Variants in CIMAP1D observed in about 807,000 individuals in gnomAD.
CIMAP1D encodes CIMAP1 family member D.
the CIMAP1D span, among the ~76,000 whole-genome samples, chr19:478,255 G>A: frequency 1.5e-5 from 2 of 136,562 alleles, no homozygotes; most frequent in African/African-American, 6.8e-5. Flanking sequence ...GGGGACAAGG[G>A]CCTGGAAGGT....
chr19:486,692 A>T, the CIMAP1D span, among the ~76,000 whole-genome samples: 1 of 151,762 alleles, frequency 6.6e-6, no homozygotes, highest in Non-Finnish European at 1.5e-5. Flanking sequence ...AGGCGAGCAG[A>T]TCACGAGATC....
At chr19:472,480 A>G in the CIMAP1D span, 3 of 1,545,516 alleles carry the variant, frequency 1.9e-6, no homozygotes, top group African/African-American at 4.1e-5. Flanking sequence ...GGACGGCAGG[A>G]CATACAAGCC....
At chr19:487,434 G>A in the CIMAP1D span, among the ~76,000 whole-genome samples, 38 of 152,258 alleles carry the variant, frequency 2.5e-4, 1 homozygote, top group South Asian at 6.8e-3. Context: ...AAGCTCCTTC[G>A]GGCCGAGGTC....
the CIMAP1D span, among the ~76,000 whole-genome samples, chr19:482,870 C>T: frequency 6.6e-6 from 1 of 152,164 alleles, no homozygotes; most frequent in Non-Finnish European, 1.5e-5. Context: ...CGACGGGCAC[C>T]GAGGCTATTC....
At chr19:468,163 T>C in the CIMAP1D span, among the ~76,000 whole-genome samples, 1 of 152,078 alleles carries the variant, frequency 6.6e-6, no homozygotes, top group Non-Finnish European at 1.5e-5. Flanking sequence ...CTCAGGACTT[T>C]GAGACCAGCA....
At chr19:483,501 T>A in the CIMAP1D span, among the ~76,000 whole-genome samples, 1 of 152,228 alleles carries the variant, frequency 6.6e-6, no homozygotes, top group East Asian at 1.9e-4. Context: ...AGCTATGAGA[T>A]CATGGTGGGC....
the CIMAP1D span, among the ~76,000 whole-genome samples, chr19:488,072 C>A: frequency 6.6e-6 from 1 of 152,112 alleles, no homozygotes; most frequent in Non-Finnish European, 1.5e-5. Context: ...GAGTTGTGAG[C>A]CCTGAAGAGG....
the CIMAP1D span, among the ~76,000 whole-genome samples, chr19:478,905 A>C: frequency 6.6e-6 from 1 of 152,260 alleles, no homozygotes; most frequent in Non-Finnish European, 1.5e-5. Flanking sequence ...GGCCCTGCTC[A>C]GGTGCTGGGA....
chr19:488,623 G>C, the CIMAP1D span, among the ~76,000 whole-genome samples: 2 of 148,736 alleles, frequency 1.3e-5, no homozygotes, highest in Non-Finnish European at 2.9e-5. Flanking sequence ...ACGGCCTCCC[G>C]GTGACCCTGA....
chr19:463,637 G>A, the CIMAP1D span: 1 of 710,260 alleles, frequency 1.4e-6, no homozygotes, highest in East Asian at 3.1e-5. Context: ...ACTGGAAGGA[G>A]ACTCACCCTG....
chr19:478,479 G>A, the CIMAP1D span, among the ~76,000 whole-genome samples: 2 of 152,250 alleles, frequency 1.3e-5, no homozygotes, highest in African/African-American at 2.4e-5. Flanking sequence ...CTGGGAGGAC[G>A]CTGAGGGCCG....
At chr19:472,383 G>A in the CIMAP1D span, 31 of 1,449,916 alleles carry the variant, frequency 2.1e-5, no homozygotes, top group Non-Finnish European at 2.5e-5. Flanking sequence ...CCGCCCACTC[G>A]CCCGCCTTAC....
the CIMAP1D span, among the ~76,000 whole-genome samples, chr19:478,283 C>T: frequency 9.2e-5 from 14 of 152,266 alleles, no homozygotes; most frequent in African/African-American, 3.4e-4. Flanking sequence ...CAACCCCATC[C>T]CTCCTCACAT....
chr19:488,415 G>C, the CIMAP1D span, among the ~76,000 whole-genome samples: 5 of 152,154 alleles, frequency 3.3e-5, no homozygotes, highest in Non-Finnish European at 7.4e-5. Context: ...CCAGCTACTC[G>C]GGAGGCTGAG....
chr19:487,454 T>G, the CIMAP1D span, among the ~76,000 whole-genome samples: 1 of 152,188 alleles, frequency 6.6e-6, no homozygotes, highest in Non-Finnish European at 1.5e-5. Context: ...CAGCCCACCT[T>G]GCACTCTGCT....
the CIMAP1D span, among the ~76,000 whole-genome samples, chr19:481,059 T>TG: frequency 1.5e-5 from 2 of 130,006 alleles, no homozygotes; most frequent in Admixed American, 8.3e-5. Flanking sequence ...GGAAGGATGA[T>TG]GGAAAGGATG....
chr19:471,644 ATGAATCTCAAAAAGGCAT>A, the CIMAP1D span, among the ~76,000 whole-genome samples: 4 of 152,122 alleles, frequency 2.6e-5, no homozygotes, highest in Admixed American at 2.6e-4. Context: ...TCCTCACTTA[ATGAATCTCAAAAAGGCAT>A]CTAATCCTTA....
At chr19:480,066 A>C in the CIMAP1D span, among the ~76,000 whole-genome samples, 79 of 152,320 alleles carry the variant, frequency 5.2e-4, no homozygotes, top group Admixed American at 3.4e-3. Flanking sequence ...GGAGGTCGGG[A>C]GCCTCGCGGA....
the CIMAP1D span, among the ~76,000 whole-genome samples, chr19:468,577 TGA>T: frequency 1.8e-4 from 28 of 152,302 alleles, no homozygotes; most frequent in African/African-American, 4.8e-5. Flanking sequence ...AATCAAAAAG[TGA>T]GAGGATCCAC....
Sources: gnomAD v4.1 joint callset for allele counts (sites outside exome capture counted in the v4.1 genomes callset) on GRCh38, gnomAD v4.1.1 for gene constraint, MANE v1.5 for transcripts, NCBI Gene and HGNC (gene_info 2026-07-23, HGNC 2026-07-21) for gene names.